The following GDPGP1 variants were observed in gnomAD, a reference collection of about 807,000 sequenced individuals.
The protein encoded by GDPGP1 is GDP-D-glucose phosphorylase C15orf58.
GDPGP1 carries 18 observed loss-of-function variants against 19.2 expected under a neutral mutation model. The ratio of observed to expected loss-of-function variants is 0.94; its 90% CI spans 0.65 to 1.39. The LOEUF (loss-of-function observed/expected upper bound fraction) is 1.39. Among genes scored for constraint, GDPGP1 ranks in the 40% most tolerant of loss-of-function variants. The pLI, the probability that GDPGP1 is intolerant of heterozygous loss-of-function variation, is 0.00. For synonymous variants in GDPGP1, 219 were observed against 208.9 expected (o/e 1.05, Z -0.42); for missense variants, 449 against 490.5 (o/e 0.92, Z 0.80).
chr15:90,234,820 T>C (rs1962598177), intron 2 of GDPGP1, among the ~76,000 whole-genome samples: 2 of 152,188 alleles, frequency 1.3e-5, no homozygotes, highest in Admixed American at 1.3e-4. Flanking sequence ...TAGGATAATG[T>C]TTGGCACATA....
intron 2 of GDPGP1, among the ~76,000 whole-genome samples, chr15:90,235,831 G>A (rs1422569244): frequency 6.6e-6 from 1 of 152,106 alleles, no homozygotes; most frequent in Non-Finnish European, 1.5e-5. Context: ...GCCTCTCAAA[G>A]TGCTGGGATT....
rs1962789052 is a variant in GDPGP1, at chr15:90,242,527, C to G, written c.*461C>G. 6.9e-6 allele frequency: 1 copy of G among 145,982 alleles called. No individual in the cohort carries two copies. Among genetic ancestry groups the G allele is most frequent in the Non-Finnish European group, 1.5e-5 (1 of 66,862 alleles). The allele number at this position is 145,982 out of a possible 1,614,324, so 9.0% of individuals were successfully genotyped here. A position where few individuals can be genotyped will look rare whatever the true frequency, so the allele number is the denominator to read the frequency against. On this transcript the variant is annotated 3_prime_UTR_variant, in exon 4 of 4. Coordinates refer to ENST00000329600, the MANE Select transcript of GDPGP1 (RefSeq NM_001013657.3). ...GTACAATCTCGGCTCACTGCAACCT[C>G]CACCTCTAGGGTTCGAGTGATCCTC...
intron 2 of GDPGP1, 58 bp from the exon 3 acceptor site, chr15:90,238,434 A>G (rs1223681846): frequency 6.6e-6 from 1 of 152,174 alleles, no homozygotes; most frequent in African/African-American, 2.4e-5. Flanking sequence ...ACTTAGCTTG[A>G]CTTTTGATAT....
chr15:90,234,239 T>G lies in GDPGP1; in HGVS notation c.-195T>G. On this transcript the variant is annotated 5_prime_UTR_variant, in exon 1 of 4. Transcript: ENST00000329600. ...CGTCACGGGCGTCATGACCTCGCTG[T>G]GGCCCCGGCAGCGGCTGCGGGGAAA... The G allele has an allele frequency of 4.2e-6, 1 of 237,742 alleles. No homozygotes were observed. Among genetic ancestry groups the G allele is most frequent in the Non-Finnish European group, 8.1e-6 (1 of 123,856 alleles). The allele number at this position is 237,742 out of a possible 1,614,324, so 14.7% of individuals were successfully genotyped here.
In GDPGP1 at chr15:90,242,823, A is replaced by G. The variant is rs1366597277; in HGVS notation, c.*757A>G. 2 of 152,100 alleles carry G rather than the reference A, an allele frequency of 1.3e-5. No individual in the cohort carries two copies. Among genetic ancestry groups the G allele is most frequent in the African/African-American group, 4.8e-5 (2 of 41,402 alleles). 9.4% of individuals were successfully genotyped at this position (152,100 alleles called of 1,614,324 possible). On this transcript the variant is annotated 3_prime_UTR_variant, in exon 4 of 4. Transcript: ENST00000329600. ...CATAGTCCTTTGGACATTTATTTTC[A>G]TGGCTGCCTTCTCACCTGTCTCAGC...
In GDPGP1 at chr15:90,234,525, A is replaced by G. The variant is rs962773058; in HGVS notation, c.-138A>G. The G allele has an allele frequency of 3.3e-5, 5 of 152,172 alleles. No homozygotes were observed. Among genetic ancestry groups the G allele is most frequent in the Admixed American group, 2.0e-4 (3 of 15,274 alleles). The allele number at this position is 152,172 out of a possible 1,614,324, so 9.4% of individuals were successfully genotyped here. A position where few individuals can be genotyped will look rare whatever the true frequency, so the allele number is the denominator to read the frequency against. On this transcript the variant is annotated 5_prime_UTR_variant, in exon 2 of 4. Transcript: ENST00000329600. The stretch of plus-strand genomic sequence containing the variant: ...CATAACCTTGCTTCCTTCTTAGGCT[A>G]TTTACTGAGGACCCACTGGATGTCA...
chr15:90,243,384 TTTG>T lies in GDPGP1; in HGVS notation c.*1320_*1322del, dbSNP rs1962804507. 6.6e-6 allele frequency: 1 copy of T among 152,202 alleles called. No individual in the cohort carries two copies. The highest frequency in any genetic ancestry group is 2.4e-5 in the African/African-American group (1 of 41,424). The allele number at this position is 152,202 out of a possible 1,614,324, so 9.4% of individuals were successfully genotyped here. On this transcript the variant is annotated 3_prime_UTR_variant, in exon 4 of 4. Coordinates refer to ENST00000329600, the MANE Select transcript of GDPGP1 (RefSeq NM_001013657.3). ...TGCACGTCTTTTTTTGTTTTGTTTTTTTGTAAGGCTGGGGTGCAGTGGTGCAAT... is the reference window on the plus strand; with the variant it reads ...TGCACGTCTTTTTTTGTTTTGTTTTTTAAGGCTGGGGTGCAGTGGTGCAAT...
At chr15:90,236,355 T>G (rs982600124) in intron 2 of GDPGP1, among the ~76,000 whole-genome samples, 2 of 152,194 alleles carry the variant, frequency 1.3e-5, no homozygotes, top group African/African-American at 4.8e-5. Context: ...CTCTTTATAG[T>G]GAAGACATGA....
chr15:90,235,680 A>G (rs1177235587), intron 2 of GDPGP1, among the ~76,000 whole-genome samples: 3 of 149,904 alleles, frequency 2.0e-5, no homozygotes, highest in South Asian at 2.1e-4. Context: ...CCATTCTTCT[A>G]CCTTAGCCTC....
chr15:90,240,488 A>G (rs1415082922), intron 3 of GDPGP1, among the ~76,000 whole-genome samples: 2 of 151,462 alleles, frequency 1.3e-5, no homozygotes, highest in Non-Finnish European at 2.9e-5. Context: ...AGCCTGGGCA[A>G]CAGAGTGAGA....
At chr15:90,236,194 A>G (rs1186000743) in intron 2 of GDPGP1, 1 of 152,044 alleles carries the variant, frequency 6.6e-6, no homozygotes, top group Non-Finnish European at 1.5e-5. Context: ...ATGTGCCACC[A>G]CACCCAGCTA....
rs764582016 is a variant in GDPGP1 at position 90,242,032 on chromosome 15, C to T, written c.1124C>T (p.Ala375Val). 2 of 1,612,332 alleles carry T rather than the reference C, an allele frequency of 1.2e-6. No individual in the cohort carries two copies. The highest frequency in any genetic ancestry group is 1.1e-5 in the South Asian group (1 of 90,920). The change falls in exon 4 of 4, where the codon GCA (alanine) becomes GTA (valine). Residue 375 changes from alanine to valine, a missense_variant. Ala to Val is a moderately conservative substitution (Grantham distance 64). Transcript: ENST00000329600. ...PPSQAEDVQAALVALMSQEEQ is the reference protein window; with the variant it reads ...PPSQAEDVQAVLVALMSQEEQ ...TCCCAGGCAGAAGACGTACAGGCAG[C>T]ACTGGTGGCCCTGATGTCCCAGGAA... is the stretch of plus-strand genomic sequence containing the variant.
At position 90,244,089 on chromosome 15, in the gene GDPGP1, G is replaced by A. The variant is rs1962821003; in HGVS notation, c.*2023G>A. ...TTAATACCCCCATTCAAAACGGGAT[G>A]GAGACTGACAGTTTGTACTTTGTTC... On this transcript the variant is annotated 3_prime_UTR_variant, in exon 4 of 4. Transcript: ENST00000329600. 3 of 152,188 alleles carry A rather than the reference G, an allele frequency of 2.0e-5. No individual in the cohort carries two copies. The highest frequency in any genetic ancestry group is 7.2e-5 in the African/African-American group (3 of 41,450). 9.4% of individuals were successfully genotyped at this position (152,188 alleles called of 1,614,324 possible).
rs1962755811 is a variant in GDPGP1 at position 90,241,435 on chromosome 15, A to G, written c.527A>G (p.Gln176Arg). 9 of 1,613,530 alleles carry G rather than the reference A, an allele frequency of 5.6e-6. No homozygotes were observed. Among genetic ancestry groups the G allele is most frequent in the Non-Finnish European group, 7.6e-6 (9 of 1,180,016 alleles). Residue 176 changes from glutamine (Q) to arginine (R), a missense_variant, in exon 4 of 4, where the codon CAG becomes CGG. By Grantham distance (43) the Gln-to-Arg change is conservative (BLOSUM62 1). Coordinates refer to ENST00000329600, the MANE Select transcript of GDPGP1 (RefSeq NM_001013657.3). Reference sequence around the variant, plus strand: ...CTGCTGGTGCCTGAGCCTGCCCGCCAGCTCCCCCAGCGCCTGCTGCCGGGT... The same window carrying G: ...CTGCTGGTGCCTGAGCCTGCCCGCCGGCTCCCCCAGCGCCTGCTGCCGGGT... Reference protein sequence around the residue: ...HVLLVPEPARQLPQRLLPGAL... With the variant: ...HVLLVPEPARRLPQRLLPGAL...
In GDPGP1 at chr15:90,245,077, A is replaced by G. The variant is rs1484805106; in HGVS notation, c.*3011A>G. ...GTTGGCTCCCTATACCTAGGCCTGT[A>G]TAAAGCCTTAGTTTCCAGTTTTCAT... On this transcript the variant is annotated 3_prime_UTR_variant, in exon 4 of 4. Transcript: ENST00000329600. 1 of 152,258 alleles carries G rather than the reference A, an allele frequency of 6.6e-6. No individual in the cohort carries two copies. The highest frequency in any genetic ancestry group is 1.5e-5 in the Non-Finnish European group (1 of 68,052). 9.4% of individuals were successfully genotyped at this position (152,258 alleles called of 1,614,324 possible).
At position 90,241,214 on chromosome 15, in the gene GDPGP1, T is replaced by A; in HGVS notation, c.306T>A (p.Arg102=). 1.2e-6 allele frequency: 2 copies of A among 1,614,068 alleles called. No individual in the cohort carries two copies. Among genetic ancestry groups the A allele is most frequent in the Non-Finnish European group, 1.7e-6 (2 of 1,180,010 alleles). The change falls in exon 4 of 4, where the codon CGT becomes CGA. Residue 102 remains arginine (R), a synonymous_variant. Transcript: ENST00000329600. ...TCGTGGCTCAGCTGAATGTGGAGCG[T>A]GGTGTGCAGAGGAGGCCCCCGCAGA... ...VGFVAQLNVE[R]GVQRRPPQTI...
Position 90,240,841 on chromosome 15 carries a change from A to G in GDPGP1, c.-9-59A>G, listed in dbSNP as rs147044359. Reference sequence around the variant, plus strand: ...AAAAAAAAATAAATAAATAAATACAATGACAATCTCTGGAGGTGGGTTACC... The same window carrying G: ...AAAAAAAAATAAATAAATAAATACAGTGACAATCTCTGGAGGTGGGTTACC... On this transcript the variant is annotated intron_variant, in intron 3 of 3. Coordinates refer to ENST00000329600, the MANE Select transcript of GDPGP1 (RefSeq NM_001013657.3). 37 of 1,054,604 alleles carry G rather than the reference A, an allele frequency of 3.5e-5. 1 individual carries two copies. In the African/African-American group the frequency reaches 4.9e-4, roughly 14 times the overall value. 65.3% of individuals were successfully genotyped at this position (1,054,604 alleles called of 1,614,324 possible).
chr15:90,242,082 T>A lies in GDPGP1; in HGVS notation c.*16T>A, dbSNP rs746020782. The stretch of plus-strand genomic sequence containing the variant: ...AGAGCAATAATACTTCTGGATGTAT[T>A]TATGTTCTTTTTTTCTTTTCTTTTG... On this transcript the variant is annotated 3_prime_UTR_variant, in exon 4 of 4. Transcript: ENST00000329600. 6.4e-7 allele frequency: 1 copy of A among 1,574,240 alleles called. No homozygotes were observed. Among genetic ancestry groups the A allele is most frequent in the South Asian group, 1.2e-5 (1 of 86,576 alleles).
At chr15:90,238,448 A>AT (rs1213293378) in intron 2 of GDPGP1, 44 bp from the exon 3 acceptor site, 1 of 152,278 alleles carries the variant, frequency 6.6e-6, no homozygotes, top group East Asian at 1.9e-4. Flanking sequence ...TTGATATGTA[A>AT]TTTTTTATAT....
Sources: gnomAD v4.1 joint callset for allele counts (sites outside exome capture counted in the v4.1 genomes callset) on GRCh38, gnomAD v4.1.1 for gene constraint, MANE v1.5 for transcripts, NCBI Gene and HGNC (gene_info 2026-07-23, HGNC 2026-07-21) for gene names.